ASAP2: variants seen among roughly 807,000 people sequenced by gnomAD.
The protein encoded by ASAP2 is ArfGAP with SH3 domain, ankyrin repeat and PH domain 2, also known as arf-GAP with SH3 domain, ANK repeat and PH domain-containing protein 2.
Under a neutral mutation model 131.4 loss-of-function variants are expected in ASAP2, and 45 were observed. The observed-to-expected ratio is 0.34, with a 90% CI of 0.27 to 0.44. The LOEUF is 0.44. Ranked by LOEUF, ASAP2 falls within the 20% of genes least tolerant of loss-of-function variation. The pLI, the probability that ASAP2 is intolerant of heterozygous loss-of-function variation, is 1.00. For synonymous variants in ASAP2, 510 were observed against 503.0 expected, an observed-to-expected ratio of 1.01 and a Z score of -0.19; for missense variants, 1,011 against 1,297.0, an observed-to-expected ratio of 0.78 and a Z score of 3.39.
intron 14 of ASAP2, among the ~76,000 whole-genome samples, chr2:9,356,886 A>T (rs1379616293): frequency 6.6e-6 from 1 of 152,144 alleles, no homozygotes; most frequent in African/African-American, 2.4e-5. Flanking sequence ...TTACATTTTG[A>T]TAAAGCATAT....
At chr2:9,261,400 T>C (rs1055056457) in intron 1 of ASAP2, among the ~76,000 whole-genome samples, 1 of 152,178 alleles carries the variant, frequency 6.6e-6, no homozygotes, top group Non-Finnish European at 1.5e-5. Flanking sequence ...AGTCAGTTTC[T>C]TCTCCTTTAA....
intron 1 of ASAP2, among the ~76,000 whole-genome samples, chr2:9,263,831 G>A (rs1665749900): frequency 6.6e-6 from 1 of 152,184 alleles, no homozygotes; most frequent in Admixed American, 6.5e-5. Flanking sequence ...TCAGCTGAGG[G>A]CACAGTTTGC....
chr2:9,234,162 C>T (rs947674926), intron 1 of ASAP2, among the ~76,000 whole-genome samples: 1 of 148,944 alleles, frequency 6.7e-6, no homozygotes, highest in Non-Finnish European at 1.5e-5. Context: ...AGAGGTGAAG[C>T]AATGTTCCCT....
At chr2:9,293,204 C>T (rs774430783) in intron 2 of ASAP2, among the ~76,000 whole-genome samples, 25 of 152,164 alleles carry the variant, frequency 1.6e-4, no homozygotes, top group Non-Finnish European at 2.6e-4. Flanking sequence ...ATTTCTCTGC[C>T]AGAGTCTCTC....
At chr2:9,221,691 T>C (rs1234581823) in intron 1 of ASAP2, among the ~76,000 whole-genome samples, 1 of 152,236 alleles carries the variant, frequency 6.6e-6, no homozygotes, top group Non-Finnish European at 1.5e-5. Flanking sequence ...TTTTATAGTT[T>C]TGTGTATTTG....
intron 15 of ASAP2, among the ~76,000 whole-genome samples, chr2:9,362,581 G>A (rs957034128): frequency 1.3e-5 from 2 of 152,142 alleles, no homozygotes; most frequent in African/African-American, 4.8e-5. Flanking sequence ...GCCGGCGCCT[G>A]TAATCCCAGT....
chr2:9,242,528 C>A (rs1271317521), intron 1 of ASAP2, among the ~76,000 whole-genome samples: 1 of 152,224 alleles, frequency 6.6e-6, no homozygotes, highest in Admixed American at 6.5e-5. Flanking sequence ...TGCCCTCAGC[C>A]TGGCTTGAAG....
intron 2 of ASAP2, among the ~76,000 whole-genome samples, chr2:9,294,251 G>A (rs770688632): frequency 2.0e-5 from 3 of 151,924 alleles, no homozygotes; most frequent in Non-Finnish European, 2.9e-5. Flanking sequence ...CACCTGTCTC[G>A]GCCTCCCAAA....
chr2:9,318,336 C>A (rs1436981685), intron 3 of ASAP2, among the ~76,000 whole-genome samples, 188 bp from the exon 4 acceptor site: 1 of 152,106 alleles, frequency 6.6e-6, no homozygotes, highest in South Asian at 2.1e-4. Context: ...TTTTCATTAG[C>A]CCTCTATTCA....
chr2:9,383,091 A>C (rs1674990229), intron 20 of ASAP2, among the ~76,000 whole-genome samples: 2 of 151,278 alleles, frequency 1.3e-5, no homozygotes, highest in Admixed American at 1.3e-4. Context: ...TGTCCACTGC[A>C]TATCATCTCG....
At chr2:9,238,446 T>G (rs1477549700) in intron 1 of ASAP2, among the ~76,000 whole-genome samples, 11 of 152,192 alleles carry the variant, frequency 7.2e-5, no homozygotes, top group Non-Finnish European at 1.5e-4. Flanking sequence ...AAAAGCATTG[T>G]CTTACCAGCC....
chr2:9,222,979 G>T (rs2175335), intron 1 of ASAP2, among the ~76,000 whole-genome samples: 7,088 of 152,060 alleles, frequency 0.047, 451 homozygotes, highest in African/African-American at 0.14. Flanking sequence ...ACCCTCCAAG[G>T]CCTGTGTTTT....
At position 9,207,281 on chromosome 2, in the gene ASAP2, C is replaced by T. The variant is rs1008455027; in HGVS notation, c.126+51C>T. 6.8e-6 allele frequency: 10 copies of T among 1,471,502 alleles called. No homozygotes were observed. The African/African-American group carries it at 1.5e-4, about 21-fold the overall frequency. The allele number at this position is 1,471,502 out of a possible 1,614,324, so 91.2% of individuals were successfully genotyped here. The stretch of plus-strand genomic sequence containing the variant: ...GGCCGCAGGTATCCCGCGCCCCAGC[C>T]CCGCCCGCCGCTCCCGCATCCGCAT... On this transcript the variant is annotated intron_variant, in intron 1 of 27. Transcript: ENST00000281419. This position sits in a 1 kb window ranked among gnomAD's most constrained non-coding sequence, Gnocchi z 4.1.
At chr2:9,242,125 G>C (rs1360330706) in intron 1 of ASAP2, among the ~76,000 whole-genome samples, 3 of 152,194 alleles carry the variant, frequency 2.0e-5, no homozygotes, top group Non-Finnish European at 2.9e-5. Context: ...AGAGAGGGGG[G>C]AGGTCTGTGC....
At chr2:9,279,989 A>AT (rs1445656364) in intron 2 of ASAP2, among the ~76,000 whole-genome samples, 1 of 152,182 alleles carries the variant, frequency 6.6e-6, no homozygotes. Flanking sequence ...GATACAAAAT[A>AT]TTTTTTAAAA....
intron 1 of ASAP2, among the ~76,000 whole-genome samples, chr2:9,260,418 G>GA (rs5829205): frequency 0.29 from 44,038 of 151,870 alleles, 6,658 homozygotes; most frequent in African/African-American, 0.4. Context: ...TTGGATTGTA[G>GA]AAAAATGAAA....
At chr2:9,312,571 G>T (rs1329820063) in intron 3 of ASAP2, among the ~76,000 whole-genome samples, 4 of 152,154 alleles carry the variant, frequency 2.6e-5, no homozygotes, top group Non-Finnish European at 4.4e-5. Flanking sequence ...CTTCATGGAA[G>T]TTCCATGATG....
intron 3 of ASAP2, among the ~76,000 whole-genome samples, chr2:9,308,928 C>G (rs967248373): frequency 6.6e-6 from 1 of 152,198 alleles, no homozygotes; most frequent in Non-Finnish European, 1.5e-5. Context: ...AAAATACTTT[C>G]TGCCTGGATA....
At position 9,207,261 on chromosome 2, in the gene ASAP2, C is replaced by T; in HGVS notation, c.126+31C>T. 2 of 1,517,634 alleles carry T rather than the reference C, an allele frequency of 1.3e-6. No individual in the cohort carries two copies. Among genetic ancestry groups the T allele is most frequent in the Non-Finnish European group, 1.8e-6 (2 of 1,135,346 alleles). 94.0% of individuals were successfully genotyped at this position (1,517,634 alleles called of 1,614,324 possible). On this transcript the variant is annotated intron_variant, in intron 1 of 27. Transcript: ENST00000281419. This position sits in a 1 kb window ranked among gnomAD's most constrained non-coding sequence, Gnocchi z 4.1. ...GCGGCCTGCGCGGCGGCTCCGGCCG[C>T]AGGTATCCCGCGCCCCAGCCCCGCC... is the stretch of plus-strand genomic sequence containing the variant.
Sources: gnomAD v4.1 joint callset for allele counts (sites outside exome capture counted in the v4.1 genomes callset) on GRCh38, gnomAD v4.1.1 for gene constraint, Gnocchi (gnomAD v3.1) non-coding constraint, MANE v1.5 for transcripts, NCBI Gene and HGNC (gene_info 2026-07-23, HGNC 2026-07-21) for gene names.